GPC5: variants seen among roughly 807,000 people sequenced by gnomAD.
The protein encoded by GPC5 is glypican 5.
Under a neutral mutation model 53.9 loss-of-function variants are expected in GPC5, and 47 were observed. The observed-to-expected ratio is 0.87, with a 90% CI of 0.69 to 1.11. The LOEUF is 1.11. Among genes scored for constraint, GPC5 ranks in the 50% most tolerant of loss-of-function variants. The pLI is 0.00. For missense variants in GPC5, 748 were observed against 713.1 expected, an observed-to-expected ratio of 1.05 and a Z score of -0.56; for synonymous variants, 286 against 263.3, an observed-to-expected ratio of 1.09 and a Z score of -0.84.
intron 7 of GPC5, among the ~76,000 whole-genome samples, chr13:92,753,874 A>G (rs1281255319): frequency 6.6e-5 from 10 of 152,286 alleles, no homozygotes; most frequent in Admixed American, 3.3e-4. Flanking sequence ...TGAAAGTGAC[A>G]GGGAGAATGG....
intron 5 of GPC5, among the ~76,000 whole-genome samples, chr13:91,837,815 G>T (rs1175113549): frequency 6.6e-6 from 1 of 152,136 alleles, no homozygotes; most frequent in South Asian, 2.1e-4. Context: ...TCCCAGGATT[G>T]AAAGTCTGAA....
chr13:92,831,365 G>T (rs143045095), intron 7 of GPC5, among the ~76,000 whole-genome samples: 27 of 151,980 alleles, frequency 1.8e-4, no homozygotes, highest in Non-Finnish European at 2.9e-5. Flanking sequence ...TATTCCAAAA[G>T]AAAATTATTT....
At chr13:91,849,681 G>T (rs2038891891) in intron 5 of GPC5, among the ~76,000 whole-genome samples, 1 of 152,012 alleles carries the variant, frequency 6.6e-6, no homozygotes, top group South Asian at 2.1e-4. Flanking sequence ...TAGAATTTCA[G>T]GTACCTTCAA....
chr13:92,728,004 T>C (rs1158496484), intron 7 of GPC5, among the ~76,000 whole-genome samples: 1 of 151,458 alleles, frequency 6.6e-6, no homozygotes, highest in Non-Finnish European at 1.5e-5. Context: ...GTTTGCCGAC[T>C]CTTGATTTTT....
rs1356697694 is a variant in GPC5 at position 92,487,063 on chromosome 13, C to T, written c.1561+342074C>T. 7.9e-5 allele frequency among the ~76,000 whole-genome samples: 12 copies of T among 152,110 alleles called. No individual in the cohort carries two copies. In the East Asian group the frequency reaches 2.1e-3, roughly 27 times the overall value. On this transcript the variant is annotated intron_variant, in intron 7 of 7. Transcript: ENST00000377067. ...TAGAGATGGGGTTTCACCATGCTGG[C>T]CAGGCTGGTCTCGAACTCCTGACCT...
rs138617838 is a variant in GPC5 at position 91,478,700 on chromosome 13, T to C, written c.325+29778T>C. Among the ~76,000 whole-genome samples, 1,074 of 149,054 alleles carry C rather than the reference T, an allele frequency of 7.2e-3. 16 individuals carry two copies. The highest frequency in any genetic ancestry group is 0.024 in the Middle Eastern group (7 of 290). ...TGATGAAAAGAGCATAACAACATAA[T>C]AGAAAATCAGCTATGAATCAGGAGG... On this transcript the variant is annotated intron_variant, in intron 2 of 7. Coordinates refer to ENST00000377067, the MANE Select transcript of GPC5 (RefSeq NM_004466.6).
At chr13:92,791,305 T>G (rs545096887) in intron 7 of GPC5, among the ~76,000 whole-genome samples, 85 of 151,078 alleles carry the variant, frequency 5.6e-4, no homozygotes, top group East Asian at 2.6e-3. Context: ...GTCAAGGAAA[T>G]AAAAAATGAG....
At chr13:92,336,215 T>C (rs1017545441) in intron 7 of GPC5, among the ~76,000 whole-genome samples, 21 of 152,210 alleles carry the variant, frequency 1.4e-4, no homozygotes, top group South Asian at 2.1e-4. Flanking sequence ...TCAGAAGGCA[T>C]TAAAGGGCAG....
chr13:91,683,039 A>G (rs342670), intron 2 of GPC5, among the ~76,000 whole-genome samples: 31,967 of 148,156 alleles, frequency 0.22, 3,396 homozygotes, highest in Middle Eastern at 0.29. Context: ...TTACATGGGG[A>G]AAAAAAAAAA....
intron 7 of GPC5, among the ~76,000 whole-genome samples, chr13:92,627,117 G>A (rs1885070717): frequency 1.3e-5 from 2 of 152,142 alleles, no homozygotes; most frequent in African/African-American, 2.4e-5. Context: ...CACAAGGAAT[G>A]TGGGTAAAAT....
intron 7 of GPC5, among the ~76,000 whole-genome samples, chr13:92,520,103 C>T (rs890981153): frequency 2.6e-5 from 4 of 152,096 alleles, no homozygotes; most frequent in South Asian, 2.1e-4. Flanking sequence ...CCTGAATAGA[C>T]CAATAACAGG....
intron 7 of GPC5, among the ~76,000 whole-genome samples, chr13:92,843,459 T>C (rs927778530): frequency 1.3e-5 from 2 of 152,252 alleles, no homozygotes; most frequent in African/African-American, 4.8e-5. Flanking sequence ...AACAAACACT[T>C]ATAAACTACA....
intron 7 of GPC5, among the ~76,000 whole-genome samples, chr13:92,483,802 T>C (rs572270143): frequency 4.8e-4 from 73 of 151,906 alleles, no homozygotes; most frequent in African/African-American, 1.7e-3. Flanking sequence ...TTTTTTTTCC[T>C]TTTTTATTAA....
intron 2 of GPC5, among the ~76,000 whole-genome samples, chr13:91,464,832 A>C (rs1023125379): frequency 1.3e-5 from 2 of 151,948 alleles, no homozygotes; most frequent in Non-Finnish European, 2.9e-5. Flanking sequence ...CACACACACA[A>C]ATGCATACAA....
intron 5 of GPC5, among the ~76,000 whole-genome samples, chr13:91,849,262 T>C (rs7333948): frequency 0.19 from 28,585 of 152,028 alleles, 2,981 homozygotes; most frequent in East Asian, 0.31. Context: ...ATGACATGCA[T>C]TTCTACACCC....
At chr13:92,396,677 A>AGCTAATTATTC (rs1419609647) in intron 7 of GPC5, among the ~76,000 whole-genome samples, 5 of 152,102 alleles carry the variant, frequency 3.3e-5, no homozygotes, top group Non-Finnish European at 7.4e-5. Context: ...TCTAATTTTG[A>AGCTAATTATTC]TAGTTACCTT....
At chr13:92,830,822 T>C (rs1878021452) in intron 7 of GPC5, among the ~76,000 whole-genome samples, 1 of 152,130 alleles carries the variant, frequency 6.6e-6, no homozygotes, top group Non-Finnish European at 1.5e-5. Flanking sequence ...CAGATAATTT[T>C]TAAAATGTGG....
chr13:92,658,808 G>A (rs1280253795), intron 7 of GPC5, among the ~76,000 whole-genome samples: 2 of 97,968 alleles, frequency 2.0e-5, no homozygotes, highest in Non-Finnish European at 4.4e-5. Flanking sequence ...AAGGGGTCAA[G>A]TGCAATACAG....
chr13:92,349,878 C>T (rs2043461195), intron 7 of GPC5, among the ~76,000 whole-genome samples: 1 of 152,198 alleles, frequency 6.6e-6, no homozygotes, highest in Middle Eastern at 3.4e-3. Flanking sequence ...TTCTTTAGCT[C>T]ATTTATCAAG....
Sources: allele counts gnomAD v4.1 joint callset (sites outside exome capture counted in the v4.1 genomes callset), GRCh38; gene constraint gnomAD v4.1.1; transcripts MANE v1.5; gene names NCBI Gene and HGNC (gene_info 2026-07-23, HGNC 2026-07-21).